The following SCART1 variants were observed in gnomAD, a reference collection of about 807,000 sequenced individuals.
SCART1 encodes scavenger receptor family member expressed on T cells 1, also known as scavenger receptor cysteine-rich domain-containing protein SCART1.
In SCART1, 62 loss-of-function variants were observed where a neutral mutation model predicts 36.2. The ratio of observed to expected loss-of-function variants is 1.71; its 90% CI spans 1.40 to 2.12. The LOEUF (loss-of-function observed/expected upper bound fraction) is 2.12. Ranked by LOEUF, SCART1 falls within the 30% of genes most tolerant of loss-of-function variation. SCART1 has a pLI of 0.00. For synonymous variants in SCART1, 487 were observed against 238.7 expected, an observed-to-expected ratio of 2.04 and a Z score of -9.59; for missense variants, 1,041 against 540.5, an observed-to-expected ratio of 1.93 and a Z score of -9.18.
exon 12 of SCART1, chr10:133,468,166 C>T (rs946642960): frequency 4.3e-6 from 2 of 462,938 alleles, no homozygotes; most frequent in Admixed American, 7.5e-5. Context: ...CTGCTGTGGA[C>T]AGTTGTGCTG....
chr10:133,463,977 C>T lies in SCART1; in HGVS notation c.1970-629C>T, dbSNP rs534407648. ...GATCTCCTCTTATCCCTCCCTCCCC[C>T]AACCCTTCCCAACCTCTAGTATCCT... On this transcript the variant is annotated intron_variant, in intron 6 of 11. Coordinates refer to ENST00000640237, the Ensembl canonical transcript of SCART1. Among the ~76,000 whole-genome samples, 4 of 152,284 alleles carry T rather than the reference C, an allele frequency of 2.6e-5. No individual in the cohort carries two copies. The South Asian group carries it at 6.2e-4, about 24-fold the overall frequency.
At chr10:133,456,529 A>T (rs1357924664) in exon 2 of SCART1, 1 of 678,224 alleles carries the variant, frequency 1.5e-6, no homozygotes, top group African/African-American at 1.8e-5. Flanking sequence ...GCCCCCACGC[A>T]TGGGTGGTGG....
chr10:133,456,652 G>A (rs1374856228), intron 2 of SCART1, 98 bp downstream of exon 2: 5 of 594,792 alleles, frequency 8.4e-6, no homozygotes, highest in Admixed American at 2.9e-5. Context: ...CTGGGAGGAT[G>A]GCGGGTCTCG....
At chr10:133,462,077 G>T (rs1055326674) in intron 6 of SCART1, among the ~76,000 whole-genome samples, 6 of 152,224 alleles carry the variant, frequency 3.9e-5, no homozygotes, top group Non-Finnish European at 8.8e-5. Flanking sequence ...GCCCCTCCAG[G>T]CTCCTCAGGG....
rs1165511551 is a variant in SCART1, at chr10:133,457,493, GC to G, written c.603del (p.Thr202ProfsTer46). ...AGTACCTGGCCTGCAGGGGTACCGA[GC>G]CCACCATCCGCAGCTGCAGACTGGA... On this transcript the variant is annotated frameshift_variant, in exon 3 of 12. Transcript: ENST00000640237. LOFTEE classifies it high-confidence loss of function. 1 of 702,740 alleles carries G rather than the reference GC, an allele frequency of 1.4e-6. No individual in the cohort carries two copies. The allele number at this position is 702,740 out of a possible 1,614,324, so 43.5% of individuals were successfully genotyped here. A position where few individuals can be genotyped will look rare whatever the true frequency, so the allele number is the denominator to read the frequency against.
In SCART1 at chr10:133,459,475, C is replaced by T; in HGVS notation, c.1286-12C>T. The T allele has an allele frequency of 1.6e-6, 1 of 626,474 alleles. No individual in the cohort carries two copies. The highest frequency in any genetic ancestry group is 2.6e-5 in the Admixed American group (1 of 38,612). The allele number at this position is 626,474 out of a possible 1,614,324, so 38.8% of individuals were successfully genotyped here. A position where few individuals can be genotyped will look rare whatever the true frequency, so the allele number is the denominator to read the frequency against. On this transcript the variant is annotated splice_polypyrimidine_tract_variant and intron_variant, in intron 5 of 11. Transcript: ENST00000640237. ...GCTGACATCTTGGGCCCCTGTGCGT[C>T]CCCATCCCCAGGTCTGGCCCACGCC...
chr10:133,461,459 G>A (rs1008909365), intron 6 of SCART1, among the ~76,000 whole-genome samples: 2 of 152,204 alleles, frequency 1.3e-5, no homozygotes, highest in Admixed American at 1.3e-4. Context: ...GGATTATTAC[G>A]TTTATTTCAA....
exon 3 of SCART1, chr10:133,457,433 C>T (rs752012134): frequency 4.6e-5 from 32 of 702,310 alleles, no homozygotes; most frequent in Non-Finnish European, 7.0e-5. Context: ...GCCCTGTGCT[C>T]CAGGCCCCCC....
Position 133,457,189 on chromosome 10 carries a change from C to T in SCART1, c.386-90C>T, listed in dbSNP as rs117553284. On this transcript the variant is annotated intron_variant, in intron 2 of 11. Transcript: ENST00000640237. ...CCCTGAAGCTGGCCCTGGCTCAGCC[C>T]ATCACTGTCCTCCCTGAAAAAGGAG... 6,492 of 672,388 alleles carry T rather than the reference C, an allele frequency of 9.7e-3. 70 individuals are homozygous for T. The highest frequency in any genetic ancestry group is 0.029 in the Middle Eastern group (74 of 2,590). 41.7% of individuals were successfully genotyped at this position (672,388 alleles called of 1,614,324 possible). A position where few individuals can be genotyped will look rare whatever the true frequency, so the allele number is the denominator to read the frequency against.
intron 3 of SCART1, chr10:133,458,095 C>G (rs879941001): frequency 6.0e-6 from 4 of 670,074 alleles, no homozygotes; most frequent in Non-Finnish European, 8.1e-6. Context: ...GTCATGGCCT[C>G]GGACAGGCAG....
chr10:133,456,687 C>G, intron 2 of SCART1, 133 bp downstream of exon 2: 1 of 585,160 alleles, frequency 1.7e-6, no homozygotes, highest in East Asian at 2.8e-5. Context: ...GGCTGTGGGT[C>G]TGGAGCTCTC....
chr10:133,457,825 C>T, intron 3 of SCART1: 1 of 551,584 alleles, frequency 1.8e-6, no homozygotes, highest in Non-Finnish European at 3.2e-6. Context: ...GTCCTGGCTG[C>T]CGCTGCAAGT....
At chr10:133,465,369 G>T in exon 9 of SCART1, 1 of 673,906 alleles carries the variant, frequency 1.5e-6, no homozygotes, top group Non-Finnish European at 2.7e-6. Flanking sequence ...CGGACGCGGA[G>T]GTCGTGTGCC....
intron 10 of SCART1, among the ~76,000 whole-genome samples, chr10:133,466,762 G>A (rs1336635976): frequency 6.6e-6 from 1 of 152,236 alleles, no homozygotes; most frequent in Non-Finnish European, 1.5e-5. Flanking sequence ...AGGAACAGTA[G>A]ATAAAATAGA....
intron 6 of SCART1, among the ~76,000 whole-genome samples, chr10:133,460,374 T>C (rs938645743): frequency 2.0e-5 from 3 of 151,596 alleles, no homozygotes; most frequent in African/African-American, 7.3e-5. Flanking sequence ...GGGGAGCTGG[T>C]CAGCTTCCTG....
In SCART1 at chr10:133,466,193, C is replaced by T. The variant is rs573692757; in HGVS notation, c.2660-42C>T. On this transcript the variant is annotated intron_variant, in intron 9 of 11. Transcript: ENST00000640237. ...CCTGTCCTGCTGAGGGTGTGCAGGTCCCCCCCACCACCCAGCTGGCTCAAG... is the reference window on the plus strand; with the variant it reads ...CCTGTCCTGCTGAGGGTGTGCAGGTTCCCCCCACCACCCAGCTGGCTCAAG... The T allele has an allele frequency of 4.9e-5, 34 of 690,236 alleles. 1 individual carries two copies. In the South Asian group the frequency reaches 5.2e-4, roughly 11 times the overall value. The allele number at this position is 690,236 out of a possible 1,614,324, so 42.8% of individuals were successfully genotyped here. A position where few individuals can be genotyped will look rare whatever the true frequency, so the allele number is the denominator to read the frequency against.
chr10:133,467,293 G>A (rs1328074840), exon 11 of SCART1: 5 of 702,944 alleles, frequency 7.1e-6, no homozygotes, highest in Non-Finnish European at 7.8e-6. Context: ...CATGGAGGCC[G>A]AGGCTGTGCT....
intron 2 of SCART1, 156 bp from the exon 3 acceptor site, chr10:133,457,123 T>C: frequency 1.6e-6 from 1 of 607,182 alleles, no homozygotes; most frequent in South Asian, 2.0e-5. Context: ...CACAGGGGTC[T>C]CTCTGAGCCC....
chr10:133,459,253 G>A (rs1468016505), exon 5 of SCART1: 3 of 683,304 alleles, frequency 4.4e-6, no homozygotes, highest in Admixed American at 2.1e-5. Flanking sequence ...AGTCCTACTT[G>A]TGGAATTGCC....
Sources: allele counts gnomAD v4.1 joint callset (sites outside exome capture counted in the v4.1 genomes callset), GRCh38; gene constraint gnomAD v4.1.1; transcripts MANE v1.5; gene names NCBI Gene and HGNC (gene_info 2026-07-23, HGNC 2026-07-21).